The following MYH6 variants were observed in gnomAD, a reference collection of about 807,000 sequenced individuals.
The protein encoded by MYH6 is myosin-6.
Under a neutral mutation model 223.2 loss-of-function variants are expected in MYH6, and 126 were observed. The observed-to-expected ratio is 0.56, with a 90% CI of 0.49 to 0.65. The LOEUF is 0.65. MYH6 is among the 30% of genes least tolerant of loss of function. The pLI is 0.00. For synonymous variants in MYH6, 978 were observed against 1,010.2 expected (o/e 0.97, Z 0.61); for missense variants, 2,040 against 2,536.4 (o/e 0.80, Z 4.20).
chr14:23,385,776 G>T, intron 34 of MYH6, 152 bp downstream of exon 34: 2 of 1,112,378 alleles, frequency 1.8e-6, no homozygotes, highest in Non-Finnish European at 1.3e-6. Flanking sequence ...TTAATATAAT[G>T]GTTCTGCAGC....
At position 23,387,571 on chromosome 14, in the gene MYH6, C is replaced by A; in HGVS notation, c.4608G>T (p.Glu1536Asp). The change falls in exon 32 of 39, where the codon GAG (glutamate) becomes GAT (aspartate). Residue 1536 changes from glutamate (E) to aspartate (D), a missense_variant. Transcript: ENST00000405093. Reference protein sequence around the residue: ...HELEKVRKQLEVEKLELQSAL... With the variant: ...HELEKVRKQLDVEKLELQSAL... ...CTGACTGCAGCTCCAGCTTCTCCAC[C>A]TCCAGCTGTTTGCGGACCTTCTCCA... 1 of 1,614,122 alleles carries A rather than the reference C, an allele frequency of 6.2e-7. No homozygotes were observed. The highest frequency in any genetic ancestry group is 1.1e-5 in the South Asian group (1 of 91,078).
In MYH6 at chr14:23,398,784, T is replaced by G; in HGVS notation, c.1835A>C (p.Lys612Thr). The change falls in exon 15 of 39, where the codon AAG becomes ACG. Residue 612 changes from lysine to threonine, a missense_variant. Coordinates refer to ENST00000405093, the MANE Select transcript of MYH6 (RefSeq NM_002471.4). ...LNETVVALYQ[K>T]SSLKLMATLF... ...AGTGGCCATGAGCTTGAGGGAGGAC[T>G]TCTGGTACAGGGCCACAACAGTCTC... The G allele has an allele frequency of 6.2e-7, 1 of 1,614,216 alleles. No individual in the cohort carries two copies. Among genetic ancestry groups the G allele is most frequent in the African/African-American group, 1.3e-5 (1 of 75,046 alleles).
chr14:23,397,929 C>T (rs113881999), intron 15 of MYH6, among the ~76,000 whole-genome samples: 10 of 123,052 alleles, frequency 8.1e-5, no homozygotes, highest in Non-Finnish European at 1.4e-4. Context: ...CCTCCTCCTC[C>T]TCCTCTTCTT....
chr14:23,389,346 C>T (rs751009210), intron 28 of MYH6, 47 bp downstream of exon 28: 2 of 1,591,094 alleles, frequency 1.3e-6, no homozygotes, highest in Admixed American at 3.3e-5. Flanking sequence ...AGATGAATTG[C>T]CCCAGGGCTG....
intron 26 of MYH6, 46 bp from the exon 27 acceptor site, chr14:23,389,765 C>A (rs368872583): frequency 6.2e-7 from 1 of 1,613,766 alleles, no homozygotes; most frequent in South Asian, 1.1e-5. Flanking sequence ...GGGGCTGAGT[C>A]GACCAGAGGA....
rs758916892 is a variant in MYH6 at position 23,405,775 on chromosome 14, A to T, written c.202-5T>A. The T allele has an allele frequency of 6.2e-7, 1 of 1,613,944 alleles. No homozygotes were observed. Among genetic ancestry groups the T allele is most frequent in the Non-Finnish European group, 8.5e-7 (1 of 1,179,972 alleles). ...GTCCTCCTTCACAGTCACCGTCTGG[A>T]GGGGGCGCATAAGCAGGAGGATGAG... is the stretch of plus-strand genomic sequence containing the variant. On this transcript the variant is annotated splice_region_variant and splice_polypyrimidine_tract_variant and intron_variant, in intron 3 of 38. Coordinates refer to ENST00000405093, the MANE Select transcript of MYH6 (RefSeq NM_002471.4). This position sits in a 1 kb window ranked among gnomAD's most constrained non-coding sequence, Gnocchi z 4.7.
rs1425889168 is a variant in MYH6 at position 23,393,373 on chromosome 14, G to A, written c.3074C>T (p.Ser1025Phe). ...EEDKVNSLSK[S>F]KVKLEQQVDD... The stretch of plus-strand genomic sequence containing the variant: ...CACCTGCTGCTCCAGCTTGACCTTA[G>A]ACTTGGACAGGCTGTTGACCTTGTC... Residue 1025 changes from serine (S) to phenylalanine (F), a missense_variant, in exon 23 of 39, where the codon TCT becomes TTT. Coordinates refer to ENST00000405093, the MANE Select transcript of MYH6 (RefSeq NM_002471.4). The A allele has an allele frequency of 1.2e-6, 2 of 1,614,054 alleles. No homozygotes were observed. Among genetic ancestry groups the A allele is most frequent in the Admixed American group, 3.3e-5 (2 of 59,990 alleles).
intron 19 of MYH6, 82 bp from the exon 20 acceptor site, chr14:23,396,502 T>G: frequency 1.3e-6 from 2 of 1,585,030 alleles, no homozygotes; most frequent in South Asian, 1.1e-5. Context: ...AGCTCCCAGG[T>G]GACCCATCAC....
In MYH6 at chr14:23,394,138, C is replaced by T. The variant is rs773162706; in HGVS notation, c.2615G>A (p.Arg872His). The change falls in exon 21 of 39, where the codon CGC becomes CAC. Residue 872 changes from arginine (R) to histidine (H), a missense_variant. Transcript: ENST00000405093. The stretch of plus-strand genomic sequence containing the variant: ...CACCATCTTCTCCTCCAGCTCCTTG[C>T]GGCGAGCCTCGGACTTCTCCAGCGT... ...KETLEKSEAR[R>H]KELEEKMVSL... The T allele has an allele frequency of 1.2e-5, 19 of 1,614,072 alleles. No homozygotes were observed. The highest frequency in any genetic ancestry group is 4.4e-5 in the South Asian group (4 of 91,086).
intron 29 of MYH6, chr14:23,388,627 T>C: frequency 1.2e-6 from 1 of 861,980 alleles, no homozygotes; most frequent in Non-Finnish European, 2.0e-6. Flanking sequence ...GTCTTATACG[T>C]GAGCATCAGG....
Position 23,384,631 on chromosome 14 carries a change from A to G in MYH6, c.5376T>C (p.Ile1792=), listed in dbSNP as rs1595047792. 5 of 1,613,992 alleles carry G rather than the reference A, an allele frequency of 3.1e-6. No individual in the cohort carries two copies. Among genetic ancestry groups the G allele is most frequent in the Non-Finnish European group, 4.2e-6 (5 of 1,180,038 alleles). ...ERMKKNMEQT[I]KDLQHRLDEA... ...CGTCCAGCCGGTGCTGCAGGTCCTT[A>G]ATGGTCTGCTCCATGTTCTTCTTCA... Residue 1792 remains isoleucine (I), a synonymous_variant, in exon 36 of 39, where the codon ATT becomes ATC. Coordinates refer to ENST00000405093, the MANE Select transcript of MYH6 (RefSeq NM_002471.4).
chr14:23,404,570 T>A, intron 7 of MYH6, 141 bp downstream of exon 7: 1 of 1,061,528 alleles, frequency 9.4e-7, no homozygotes, highest in Non-Finnish European at 1.4e-6. Flanking sequence ...GTCAGGAAGG[T>A]CTTCCATACT....
In MYH6 at chr14:23,388,212, T is replaced by C. The variant is rs776289200; in HGVS notation, c.4302A>G (p.Val1434=). The C allele has an allele frequency of 7.4e-6, 12 of 1,612,466 alleles. No individual in the cohort carries two copies. The highest frequency in any genetic ancestry group is 2.2e-4 in the Middle Eastern group (1 of 4,586). The change falls in exon 30 of 39, where the codon GTA becomes GTG. Residue 1434 remains valine (V), a synonymous_variant. Transcript: ENST00000405093. The stretch of plus-strand genomic sequence containing the variant: ...CTGCAGCAGCAGCATTGGAGCGCTC[T>C]ACGTCCACCATCAAGTCCTCTATCT... ...QNEIEDLMVD[V]ERSNAAAAAL... is the part of the protein sequence containing the mutation.
intron 30 of MYH6, 29 bp from the exon 31 acceptor site, chr14:23,387,952 C>T (rs759455993): frequency 7.4e-6 from 12 of 1,611,662 alleles, no homozygotes; most frequent in Non-Finnish European, 1.0e-5. Context: ...CACTCTTCAG[C>T]CCCCCAGCCT....
intron 20 of MYH6, among the ~76,000 whole-genome samples, chr14:23,394,772 C>T (rs1398182814): frequency 1.3e-5 from 2 of 152,156 alleles, no homozygotes; most frequent in African/African-American, 4.8e-5. Context: ...CCTGTCACCC[C>T]GCCAGGAGCA....
In MYH6 at chr14:23,386,110, C is replaced by T. The variant is rs771357562; in HGVS notation, c.4981G>A (p.Asp1661Asn). 6.8e-6 allele frequency: 11 copies of T among 1,614,128 alleles called. No individual in the cohort carries two copies. The Admixed American group carries it at 1.0e-4, about 15-fold the overall frequency. Residue 1661 changes from aspartate (D) to asparagine (N), a missense_variant, in exon 34 of 39, where the codon GAT becomes AAT. Asp to Asn is a conservative substitution (Grantham distance 23). Transcript: ENST00000405093. ...LLKDTQIQLD[D>N]AVRANDDLKE... ...AGGTCGTCGTTGGCACGGACCGCAT[C>T]GTCCAGCTGGATCTGGGTGTCCTGA...
chr14:23,400,037 G>A (rs990180480), intron 14 of MYH6: 39 of 681,116 alleles, frequency 5.7e-5, no homozygotes, highest in Non-Finnish European at 9.5e-5. Context: ...AAGACACTGA[G>A]GGGACCACCA....
chr14:23,388,249 C>A lies in MYH6; in HGVS notation c.4265G>T (p.Arg1422Leu), dbSNP rs574433291. ...CAAGTCCTCTATCTCATTCTGTAGC[C>A]GGTGCTTGGTCTTCTCCAGTGAGGA... ...KCSSLEKTKH[R>L]LQNEIEDLMV... The change falls in exon 30 of 39, where the codon CGG becomes CTG. Residue 1422 changes from arginine (R) to leucine (L), a missense_variant. Arg to Leu is a moderately radical substitution (Grantham distance 102, BLOSUM62 -2). Coordinates refer to ENST00000405093, the MANE Select transcript of MYH6 (RefSeq NM_002471.4). The A allele has an allele frequency of 6.2e-7, 1 of 1,612,882 alleles. No individual in the cohort carries two copies. Among genetic ancestry groups the A allele is most frequent in the African/African-American group, 1.3e-5 (1 of 75,018 alleles).
chr14:23,393,253 G>T, intron 23 of MYH6, 89 bp downstream of exon 23: 1 of 1,554,854 alleles, frequency 6.4e-7, no homozygotes, highest in Non-Finnish European at 8.9e-7. Context: ...GGCCATAGAA[G>T]TTAATTCTAG....
Sources: gnomAD v4.1 joint callset for allele counts (sites outside exome capture counted in the v4.1 genomes callset) on GRCh38, gnomAD v4.1.1 for gene constraint, Gnocchi (gnomAD v3.1) non-coding constraint, MANE v1.5 for transcripts, NCBI Gene and HGNC (gene_info 2026-07-23, HGNC 2026-07-21) for gene names.